TRPC5: variants seen among roughly 807,000 people sequenced by gnomAD.
TRPC5 encodes the protein transient receptor potential cation channel subfamily C member 5, also known as short transient receptor potential channel 5.
TRPC5 carries 9 observed loss-of-function variants against 56.5 expected under a neutral mutation model. That is an observed-to-expected ratio of 0.16 (90% CI 0.10 to 0.28). The LOEUF (loss-of-function observed/expected upper bound fraction) is 0.28. Ranked by LOEUF, TRPC5 falls within the 10% of genes least tolerant of loss-of-function variation. TRPC5 has a pLI of 1.00. For synonymous variants in TRPC5, 282 were observed against 278.5 expected, an observed-to-expected ratio of 1.01 and a Z score of -0.13; for missense variants, 469 against 748.9, an observed-to-expected ratio of 0.63 and a Z score of 4.36.
rs887272543 is a variant in TRPC5, at chrX:111,771,424, C to T, written c.*4889G>A. 9.0e-6 allele frequency among the ~76,000 whole-genome samples: 1 copy of T among 111,729 alleles called. No individual in the cohort carries two copies. The highest frequency in any genetic ancestry group is 3.3e-5 in the African/African-American group (1 of 30,757). ...ATGAACACAACTCAGATCCAGTAATCAAGTACAAGATACAAATCCACTCAA... is the reference window on the plus strand; with the variant it reads ...ATGAACACAACTCAGATCCAGTAATTAAGTACAAGATACAAATCCACTCAA... On this transcript the variant is annotated 3_prime_UTR_variant, in exon 11 of 11. Transcript: ENST00000262839.
At chrX:111,998,782 A>G (rs370460964) in intron 1 of TRPC5, among the ~76,000 whole-genome samples, 19 of 111,861 alleles carry the variant, frequency 1.7e-4, no homozygotes, top group South Asian at 1.1e-3. Flanking sequence ...ACATGTGAAC[A>G]TACTGGAACC....
chrX:111,855,617 T>C (rs375431483), intron 3 of TRPC5, among the ~76,000 whole-genome samples: 4 of 112,387 alleles, frequency 3.6e-5, no homozygotes, highest in African/African-American at 1.3e-4. Context: ...TCTAAAATGT[T>C]TTCATCCTGT....
At chrX:111,915,341 C>A (rs1311422792) in intron 2 of TRPC5, among the ~76,000 whole-genome samples, 1 of 111,787 alleles carries the variant, frequency 8.9e-6, no homozygotes, top group Non-Finnish European at 1.9e-5. Context: ...AGAGAGGAAA[C>A]CTTTTAAAAA....
chrX:112,008,557 G>A (rs747696592), intron 1 of TRPC5, among the ~76,000 whole-genome samples: 33 of 106,097 alleles, frequency 3.1e-4, no homozygotes, highest in African/African-American at 9.7e-4. Flanking sequence ...CCAAGATTAC[G>A]CCACTGCACT....
chrX:111,961,940 A>G (rs112031834), intron 1 of TRPC5, among the ~76,000 whole-genome samples: 1 of 112,116 alleles, frequency 8.9e-6, no homozygotes, highest in Non-Finnish European at 1.9e-5. Context: ...TTGCAGCAAC[A>G]TGGAGGGAGC....
At chrX:111,952,516 G>T in intron 1 of TRPC5, 75 bp from the exon 2 acceptor site, 1 of 1,005,298 alleles carries the variant, frequency 9.9e-7, no homozygotes, top group Non-Finnish European at 1.3e-6. Flanking sequence ...TATGGAGGCA[G>T]CCCTGCTAAG....
intron 2 of TRPC5, among the ~76,000 whole-genome samples, chrX:111,914,061 G>T (rs1180889954): frequency 9.0e-6 from 1 of 110,801 alleles, no homozygotes; most frequent in Admixed American, 9.6e-5. Flanking sequence ...GTTTAAGTGT[G>T]GTAGGATCTA....
intron 3 of TRPC5, among the ~76,000 whole-genome samples, chrX:111,897,750 G>T (rs1489244799): frequency 3.6e-5 from 4 of 111,256 alleles, no homozygotes. Flanking sequence ...CACATTGTGT[G>T]AATATACCAC....
chrX:111,915,980 C>T (rs191660955), intron 2 of TRPC5, among the ~76,000 whole-genome samples: 269 of 109,803 alleles, frequency 2.4e-3, no homozygotes, highest in Non-Finnish European at 4.0e-3. Flanking sequence ...ATTATATTAG[C>T]TAGGTGTGAT....
chrX:111,994,571 T>C (rs1384430342), intron 1 of TRPC5, among the ~76,000 whole-genome samples: 1 of 111,719 alleles, frequency 9.0e-6, no homozygotes, highest in Non-Finnish European at 1.9e-5. Context: ...TGTCCTCTTT[T>C]ATTTCCTTGA....
At chrX:111,784,811 C>CT (rs1008295083) in intron 7 of TRPC5, among the ~76,000 whole-genome samples, 6 of 112,918 alleles carry the variant, frequency 5.3e-5, no homozygotes, top group Non-Finnish European at 7.5e-5. Context: ...CGGAACCTTG[C>CT]TTGCTGCTAG....
At chrX:111,963,332 G>A (rs1048235323) in intron 1 of TRPC5, among the ~76,000 whole-genome samples, 4 of 112,467 alleles carry the variant, frequency 3.6e-5, no homozygotes, top group South Asian at 7.3e-4. Context: ...CGGGAAGCTC[G>A]AACTGGGTGG....
intron 7 of TRPC5, among the ~76,000 whole-genome samples, chrX:111,808,238 G>C (rs1921587683): frequency 9.0e-6 from 1 of 110,766 alleles, no homozygotes; most frequent in African/African-American, 3.3e-5. Context: ...CCAGTCCCCA[G>C]GTGGGTCCAG....
chrX:111,796,569 A>G (rs952760331), intron 7 of TRPC5, among the ~76,000 whole-genome samples: 6 of 112,056 alleles, frequency 5.4e-5, no homozygotes, highest in African/African-American at 1.3e-4. Context: ...ATTGAAGTCT[A>G]TTTTCAGTCT....
At chrX:111,910,491 T>G (rs752517256) in intron 3 of TRPC5, among the ~76,000 whole-genome samples, 1 of 111,461 alleles carries the variant, frequency 9.0e-6, no homozygotes, top group Non-Finnish European at 1.9e-5. Flanking sequence ...ATACCACGAG[T>G]CCTCCATGTG....
intron 1 of TRPC5, among the ~76,000 whole-genome samples, chrX:112,061,802 C>G (rs1041196142): frequency 4.5e-5 from 5 of 111,465 alleles, no homozygotes; most frequent in Admixed American, 2.9e-4. Flanking sequence ...AGTCCAGAAG[C>G]AGGTTCTTCT....
chrX:111,923,327 T>C (rs1383237134), intron 2 of TRPC5, among the ~76,000 whole-genome samples: 1 of 112,070 alleles, frequency 8.9e-6, no homozygotes, highest in Non-Finnish European at 1.9e-5. Flanking sequence ...TGTTTAACGT[T>C]TGGCAGCCCA....
chrX:112,036,017 T>C (rs1240748825), intron 1 of TRPC5, among the ~76,000 whole-genome samples: 1 of 110,678 alleles, frequency 9.0e-6, no homozygotes. Flanking sequence ...CTTCAACACT[T>C]AGCCAGCTGT....
At position 111,775,969 on chromosome X, in the gene TRPC5, A is replaced by AC. The variant is rs1569524947; in HGVS notation, c.*343dup. ...GGTCAGGAATCTGTGCGGCAACAAG[A>AC]CCAGCAAAGTGGCACCTGGGGCTTC... On this transcript the variant is annotated 3_prime_UTR_variant, in exon 11 of 11. Transcript: ENST00000262839. 6.4e-6 allele frequency: 1 copy of AC among 157,223 alleles called. No individual in the cohort carries two copies. Among genetic ancestry groups the AC allele is most frequent in the Non-Finnish European group, 1.2e-5 (1 of 82,729 alleles). The allele number at this position is 157,223 out of a possible 1,213,427, so 13.0% of individuals were successfully genotyped here. A position where few individuals can be genotyped will look rare whatever the true frequency, so the allele number is the denominator to read the frequency against.
Sources: gnomAD v4.1 joint callset for allele counts (sites outside exome capture counted in the v4.1 genomes callset) on GRCh38, gnomAD v4.1.1 for gene constraint, MANE v1.5 for transcripts, NCBI Gene and HGNC (gene_info 2026-07-23, HGNC 2026-07-21) for gene names.